PCDHA5: variants seen among roughly 807,000 people sequenced by gnomAD.
The protein encoded by PCDHA5 is protocadherin alpha 5, also known as protocadherin alpha-5.
Under a neutral mutation model 61.6 loss-of-function variants are expected in PCDHA5, and 43 were observed. The observed-to-expected ratio is 0.70, with a 90% confidence interval of 0.55 to 0.90. The LOEUF (loss-of-function observed/expected upper bound fraction) is 0.90, where lower values mean the gene tolerates loss of function less well. Among genes scored for constraint, PCDHA5 ranks in the 40% least tolerant of loss-of-function variants. The pLI is 0.00. For synonymous variants in PCDHA5, 627 were observed against 543.9 expected (o/e 1.15, Z -2.13); for missense variants, 1,298 against 1,222.7 (o/e 1.06, Z -0.92).
chr5:140,929,257 C>T, intron 1 of PCDHA5: 2 of 1,612,972 alleles, frequency 1.2e-6, no homozygotes, highest in Non-Finnish European at 1.7e-6. Context: ...TGGGGTAGGA[C>T]TGAATTTGCC....
intron 1 of PCDHA5, among the ~76,000 whole-genome samples, chr5:140,944,406 C>G (rs1003379783): frequency 6.6e-6 from 1 of 152,084 alleles, no homozygotes; most frequent in African/African-American, 2.4e-5. Flanking sequence ...AGGCTGGTCT[C>G]GAACTCCTGA....
intron 3 of PCDHA5, among the ~76,000 whole-genome samples, chr5:141,006,247 T>C (rs1554260651): frequency 2.0e-5 from 3 of 152,126 alleles, no homozygotes; most frequent in Non-Finnish European, 2.9e-5. Context: ...AGTCTTGCTC[T>C]GTTGCCCAGG....
intron 1 of PCDHA5, chr5:140,843,814 GA>G (rs1158286974): frequency 7.9e-7 from 1 of 1,259,766 alleles, no homozygotes; most frequent in African/African-American, 1.5e-5. Context: ...ATTTTATAGT[GA>G]AAATTTAAAC....
chr5:140,875,388 G>A, intron 1 of PCDHA5: 5 of 1,468,696 alleles, frequency 3.4e-6, no homozygotes, highest in Non-Finnish European at 4.5e-6. Flanking sequence ...TGTACTTACA[G>A]AAAAGGGTGA....
chr5:140,903,721 C>T (rs2070530222), intron 1 of PCDHA5, among the ~76,000 whole-genome samples: 1 of 152,152 alleles, frequency 6.6e-6, no homozygotes, highest in African/African-American at 2.4e-5. Flanking sequence ...ACAATTCTCC[C>T]TATTATCAAT....
At chr5:140,875,941 G>A in intron 1 of PCDHA5, 3 of 1,614,160 alleles carry the variant, frequency 1.9e-6, no homozygotes, top group East Asian at 4.5e-5. Context: ...TCTAGAGGGC[G>A]CTTCTGATGC....
intron 1 of PCDHA5, chr5:140,852,582 ATTT>A: frequency 7.2e-6 from 5 of 693,510 alleles, no homozygotes; most frequent in Non-Finnish European, 8.9e-6. Context: ...AGGCTTTTTT[ATTT>A]TTTTTTTTTG....
chr5:140,870,722 G>A (rs1554164638), intron 1 of PCDHA5: 2 of 1,613,222 alleles, frequency 1.2e-6, no homozygotes, highest in East Asian at 2.2e-5. Context: ...CGCGATGCGG[G>A]CGTGCCGCCT....
At chr5:140,908,493 G>A (rs545927854) in intron 1 of PCDHA5, among the ~76,000 whole-genome samples, 1 of 152,152 alleles carries the variant, frequency 6.6e-6, no homozygotes, top group African/African-American at 2.4e-5. Flanking sequence ...AGTTCAGGTT[G>A]CTTGGTGACT....
In PCDHA5 at chr5:140,856,939, G is replaced by A. The variant is rs1554149308; in HGVS notation, c.2352+32812G>A. The stretch of plus-strand genomic sequence containing the variant: ...GAAGGAAATTTTGGATAAACGAAAG[G>A]ACGGGAGAAATAAAAGTAAATGATG... On this transcript the variant is annotated intron_variant, in intron 1 of 3. Coordinates refer to ENST00000529859, the MANE Select transcript of PCDHA5 (RefSeq NM_018908.3). 1.9e-6 allele frequency: 3 copies of A among 1,593,866 alleles called. No homozygotes were observed. The East Asian group carries it at 6.7e-5, about 36-fold the overall frequency.
intron 1 of PCDHA5, chr5:140,875,473 A>T: frequency 1.2e-6 from 2 of 1,606,460 alleles, no homozygotes; most frequent in Non-Finnish European, 1.7e-6. Flanking sequence ...ATTTTCTGCA[A>T]TGGTGATTAT....
rs2150270222 is a variant in PCDHA5 at position 140,836,801 on chromosome 5, A to C, written c.2352+12674A>C. On this transcript the variant is annotated intron_variant, in intron 1 of 3. Coordinates refer to ENST00000529859, the MANE Select transcript of PCDHA5 (RefSeq NM_018908.3). ...ACAATTAGTTCAATTGGTCTCCTTA[A>C]ATTTTCTTTCATAATTTCTTTTTTA... 27 of 1,338,446 alleles carry C rather than the reference A, an allele frequency of 2.0e-5. No homozygotes were observed. In the Admixed American group the frequency reaches 4.4e-4, roughly 22 times the overall value. 82.9% of individuals were successfully genotyped at this position (1,338,446 alleles called of 1,614,324 possible). A position where few individuals can be genotyped will look rare whatever the true frequency, so the allele number is the denominator to read the frequency against.
At chr5:140,885,070 T>C (rs1253345040) in intron 1 of PCDHA5, among the ~76,000 whole-genome samples, 1 of 152,232 alleles carries the variant, frequency 6.6e-6, no homozygotes, top group African/African-American at 2.4e-5. Flanking sequence ...CAAGATATTA[T>C]TTTAAAGAGC....
intron 1 of PCDHA5, chr5:140,856,419 A>G: frequency 6.3e-7 from 1 of 1,598,426 alleles, no homozygotes; most frequent in Non-Finnish European, 8.6e-7. Context: ...GAAGTGAAGG[A>G]CATTAACGAC....
intron 1 of PCDHA5, chr5:140,876,229 GA>G: frequency 1.9e-6 from 3 of 1,613,978 alleles, no homozygotes; most frequent in Non-Finnish European, 2.5e-6. Context: ...AGTGTTGTCT[GA>G]AAATGTCCAA....
chr5:140,965,690 T>G (rs1203632136), intron 1 of PCDHA5, among the ~76,000 whole-genome samples: 2 of 152,172 alleles, frequency 1.3e-5, no homozygotes, highest in Admixed American at 1.3e-4. Context: ...TGAAGCAAGA[T>G]TAGAAAAAGC....
At chr5:140,874,436 C>T (rs1407636354) in intron 1 of PCDHA5, among the ~76,000 whole-genome samples, 3 of 152,286 alleles carry the variant, frequency 2.0e-5, no homozygotes, top group East Asian at 3.9e-4. Flanking sequence ...GAAGCATGTC[C>T]TAACTACTAA....
At chr5:140,950,452 C>A (rs1030639288) in intron 1 of PCDHA5, among the ~76,000 whole-genome samples, 12 of 151,888 alleles carry the variant, frequency 7.9e-5, no homozygotes, top group African/African-American at 2.7e-4. Context: ...ATTCTACTGT[C>A]TTCTAATGCT....
chr5:140,907,087 G>A (rs1554192866), intron 1 of PCDHA5, among the ~76,000 whole-genome samples: 2 of 152,194 alleles, frequency 1.3e-5, no homozygotes, highest in Non-Finnish European at 2.9e-5. Flanking sequence ...GTGATGGTAA[G>A]TGGTGCCACT....
Sources: allele counts gnomAD v4.1 joint callset (sites outside exome capture counted in the v4.1 genomes callset), GRCh38; gene constraint gnomAD v4.1.1; transcripts MANE v1.5; gene names NCBI Gene and HGNC (gene_info 2026-07-23, HGNC 2026-07-21).